Variants in SIGLEC12 observed in about 807,000 individuals in gnomAD.
The protein encoded by SIGLEC12 is sialic acid-binding Ig-like lectin 12.
A neutral mutation model predicts 54.1 loss-of-function variants in SIGLEC12; 43 were observed. The ratio of observed to expected loss-of-function variants is 0.80; its 90% CI spans 0.62 to 1.03. The LOEUF (loss-of-function observed/expected upper bound fraction) is 1.03. SIGLEC12 is among the 50% of genes least tolerant of loss of function. The probability of loss-of-function intolerance (pLI) is 0.00; values close to 1 mark genes in which losing one functional copy is unlikely to be tolerated. For missense variants in SIGLEC12, 802 were observed against 735.2 expected, an observed-to-expected ratio of 1.09 and a Z score of -1.05; for synonymous variants, 357 against 307.6, an observed-to-expected ratio of 1.16 and a Z score of -1.68.
rs774306964 is a variant in SIGLEC12, at chr19:51,491,789, T to A, written c.1640A>T (p.His547Leu). The A allele has an allele frequency of 6.3e-7, 1 of 1,597,276 alleles. No individual in the cohort carries two copies. The highest frequency in any genetic ancestry group is 8.5e-7 in the Non-Finnish European group (1 of 1,172,074). Residue 547 changes from histidine to leucine, a missense_variant, in exon 8 of 8, where the codon CAC (histidine) becomes CTC (leucine). His to Leu is a moderately conservative substitution (Grantham distance 99, BLOSUM62 -3). Transcript: ENST00000291707. ...GGTGGCCAGGGCTGGCGGAGCATGGTGTGGGGGGCTGTCATCTGCCGGGGA... is the reference window on the plus strand; with the variant it reads ...GGTGGCCAGGGCTGGCGGAGCATGGAGTGGGGGGCTGTCATCTGCCGGGGA... ...IESPADDSPP[H>L]HAPPALATPS...
In SIGLEC12 at chr19:51,491,701, C is replaced by T; in HGVS notation, c.1728G>A (p.Gln576=). Residue 576 remains glutamine (Q), a synonymous_variant, in exon 8 of 8, where the codon CAG becomes CAA. Transcript: ENST00000291707. Reference sequence around the variant, plus strand: ...CGATGGCCTCCTGTTCCTGTGGGTACTGAGGCCTCGCTTTGTGGAAGCTGA... The same window carrying T: ...CGATGGCCTCCTGTTCCTGTGGGTATTGAGGCCTCGCTTTGTGGAAGCTGA... ...ASLSFHKARP[Q]YPQEQEAIGY... 1 of 1,613,928 alleles carries T rather than the reference C, an allele frequency of 6.2e-7. No individual in the cohort carries two copies. The highest frequency in any genetic ancestry group is 8.5e-7 in the Non-Finnish European group (1 of 1,179,980).
intron 4 of SIGLEC12, 95 bp downstream of exon 4, chr19:51,499,075 C>G (rs747725914): frequency 2.2e-6 from 3 of 1,386,900 alleles, no homozygotes. Flanking sequence ...CGGGGCTCAC[C>G]CACAAAAGGG....
intron 1 of SIGLEC12, among the ~76,000 whole-genome samples, chr19:51,501,011 G>A (rs1332271534): frequency 1.3e-5 from 2 of 152,102 alleles, no homozygotes; most frequent in South Asian, 4.1e-4. Flanking sequence ...GCTAAACCCC[G>A]GCCATGCCTA....
intron 4 of SIGLEC12, among the ~76,000 whole-genome samples, chr19:51,498,633 C>T (rs970749911): frequency 1.3e-5 from 2 of 152,116 alleles, no homozygotes; most frequent in African/African-American, 2.4e-5. Flanking sequence ...TTAGAAGATG[C>T]CACAAAATCA....
intron 2 of SIGLEC12, 60 bp from the exon 3 acceptor site, chr19:51,499,776 G>A: frequency 6.3e-7 from 1 of 1,591,474 alleles, no homozygotes; most frequent in African/African-American, 1.3e-5. Context: ...GTGGTGCTGA[G>A]GAGGCTCAGG....
At position 51,497,968 on chromosome 19, in the gene SIGLEC12, C is replaced by G. The variant is rs377561374; in HGVS notation, c.1405+50G>C. 1.3e-4 allele frequency: 214 copies of G among 1,601,130 alleles called. No homozygotes were observed. In the African/African-American group the frequency reaches 2.6e-3, roughly 19 times the overall value. ...AAATTCCAGGTCTCCCAGCTGGACC[C>G]TGAGGGTGGGACATGTGTGTTCTCC... On this transcript the variant is annotated intron_variant, in intron 5 of 7. Coordinates refer to ENST00000291707, the MANE Select transcript of SIGLEC12 (RefSeq NM_053003.4).
chr19:51,501,410 G>C lies in SIGLEC12; in HGVS notation c.324C>G (p.Ile108Met). ...CTGCATCACTCTCTCTGGTGTCTCT[G>C]ATGCTCAGGGTACAATCCTTGTTCT... Reference protein sequence around the residue: ...DPQNKDCTLSIRDTRESDAGT... With the variant: ...DPQNKDCTLSMRDTRESDAGT... The change falls in exon 1 of 8, where the codon ATC becomes ATG. Residue 108 changes from isoleucine (I) to methionine (M), a missense_variant. By Grantham distance (10) the Ile-to-Met change is conservative. Coordinates refer to ENST00000291707, the MANE Select transcript of SIGLEC12 (RefSeq NM_053003.4). 6.2e-7 allele frequency: 1 copy of C among 1,614,200 alleles called. No individual in the cohort carries two copies.
chr19:51,494,239 A>G (rs1206930748), intron 7 of SIGLEC12, among the ~76,000 whole-genome samples: 1 of 152,188 alleles, frequency 6.6e-6, no homozygotes, highest in African/African-American at 2.4e-5. Context: ...TAATATCCAG[A>G]ATATATTAAA....
chr19:51,491,762 G>C lies in SIGLEC12; in HGVS notation c.1667C>G (p.Pro556Arg), dbSNP rs752035685. 3.1e-6 allele frequency: 5 copies of C among 1,611,710 alleles called. No individual in the cohort carries two copies. The East Asian group carries it at 6.7e-5, about 22-fold the overall frequency. The change falls in exon 8 of 8, where the codon CCC (proline) becomes CGC (arginine). Residue 556 changes from proline to arginine, a missense_variant. Physicochemically the swap from Pro to Arg is moderately radical, Grantham distance 103 (BLOSUM62 -2). Transcript: ENST00000291707. The stretch of plus-strand genomic sequence containing the variant: ...CTGGATCTCTCCTTCCTCTGGGGAG[G>C]GGGTGGCCAGGGCTGGCGGAGCATG... ...PHHAPPALAT[P>R]SPEEGEIQYA...
chr19:51,496,324 C>T (rs1019779254), intron 7 of SIGLEC12, among the ~76,000 whole-genome samples: 3 of 151,868 alleles, frequency 2.0e-5, no homozygotes, highest in South Asian at 2.1e-4. Context: ...CAAAATTAGC[C>T]GGGCATGGTG....
rs1990254601 is a variant in SIGLEC12, at chr19:51,496,908, G to A, written c.1571C>T (p.Ala524Val). Residue 524 changes from alanine to valine, a missense_variant, in exon 7 of 8, where the codon GCA becomes GTA. Physicochemically the swap from Ala to Val is moderately conservative, Grantham distance 64. Coordinates refer to ENST00000291707, the MANE Select transcript of SIGLEC12 (RefSeq NM_053003.4). ...VGVGDTGMED[A>V]NAVRGSASQG... ...AGAGGCTGAGCCCCTGACAGCGTTTGCGTCCTCCATGCCTGTATCCCCCAC... is the reference window on the plus strand; with the variant it reads ...AGAGGCTGAGCCCCTGACAGCGTTTACGTCCTCCATGCCTGTATCCCCCAC... 4 of 1,613,900 alleles carry A rather than the reference G, an allele frequency of 2.5e-6. No individual in the cohort carries two copies. Among genetic ancestry groups the A allele is most frequent in the African/African-American group, 1.3e-5 (1 of 74,928 alleles).
In SIGLEC12 at chr19:51,498,013, C is replaced by T. The variant is rs942853905; in HGVS notation, c.1405+5G>A. The T allele has an allele frequency of 6.2e-7, 1 of 1,614,144 alleles. No individual in the cohort carries two copies. Among genetic ancestry groups the T allele is most frequent in the Non-Finnish European group, 8.5e-7 (1 of 1,180,000 alleles). Reference sequence around the variant, plus strand: ...TTCTCCTCCTCCAGACCCTCCCCTACCCACCTGTGTACTCGTTTTGCAGGG... The same window carrying T: ...TTCTCCTCCTCCAGACCCTCCCCTATCCACCTGTGTACTCGTTTTGCAGGG... On this transcript the variant is annotated splice_donor_5th_base_variant and intron_variant, in intron 5 of 7. Coordinates refer to ENST00000291707, the MANE Select transcript of SIGLEC12 (RefSeq NM_053003.4).
Position 51,501,327 on chromosome 19 carries a change from T to G in SIGLEC12, c.407A>C (p.Gln136Pro). 1 of 1,614,212 alleles carries G rather than the reference T, an allele frequency of 6.2e-7. No homozygotes were observed. Among genetic ancestry groups the G allele is most frequent in the Non-Finnish European group, 8.5e-7 (1 of 1,180,024 alleles). ...GNMKWNYKYD[Q>P]LSVNVTASQD... ...CTTACCTGTCACATTCACAGAGAGC[T>G]GGTCATATTTATAATTCCATTTCAT... The change falls in exon 1 of 8, where the codon CAG becomes CCG. Residue 136 changes from glutamine (Q) to proline (P), a missense_variant. Coordinates refer to ENST00000291707, the MANE Select transcript of SIGLEC12 (RefSeq NM_053003.4).
chr19:51,497,590 A>T (rs1990276782), intron 5 of SIGLEC12, 145 bp from the exon 6 acceptor site: 1 of 587,566 alleles, frequency 1.7e-6, no homozygotes, highest in Non-Finnish European at 3.0e-6. Context: ...ACTTCTCCTG[A>T]GGTCACTGAG....
At position 51,498,148 on chromosome 19, in the gene SIGLEC12, G is replaced by A. The variant is rs541405345; in HGVS notation, c.1275C>T (p.Ser425=). ...WGSLTLSPSQ[S]SNLGVLELPR... ...GCAGCTCCAGCACCCCAAGGTTCGA[G>A]GACTGTGAGGGGCTCAGGGTCAGGC... The change falls in exon 5 of 8, where the codon TCC becomes TCT. Residue 425 remains serine, a synonymous_variant. Transcript: ENST00000291707. The A allele has an allele frequency of 8.1e-6, 13 of 1,614,228 alleles. No individual in the cohort carries two copies. In the East Asian group the frequency reaches 2.7e-4, roughly 33 times the overall value.
intron 5 of SIGLEC12, 37 bp downstream of exon 5, chr19:51,497,981 A>C: frequency 1.2e-6 from 2 of 1,610,154 alleles, no homozygotes; most frequent in Non-Finnish European, 1.7e-6. Flanking sequence ...AGGGTGGGAC[A>C]TGTGTGTTCT....
At chr19:51,499,757 G>A (rs1290756254) in intron 2 of SIGLEC12, 41 bp from the exon 3 acceptor site, 1 of 1,606,222 alleles carries the variant, frequency 6.2e-7, no homozygotes, top group South Asian at 1.1e-5. Context: ...GGGTGTTGGG[G>A]TCTGAAGTGT....
chr19:51,497,976 G>A, intron 5 of SIGLEC12, 42 bp downstream of exon 5: 4 of 1,606,672 alleles, frequency 2.5e-6, no homozygotes, highest in Non-Finnish European at 3.4e-6. Context: ...CCCTGAGGGT[G>A]GGACATGTGT....
In SIGLEC12 at chr19:51,499,650, GT is replaced by G; in HGVS notation, c.874del (p.Thr292ProfsTer53). On this transcript the variant is annotated frameshift_variant, in exon 3 of 8. Transcript: ENST00000291707. LOFTEE classifies it high-confidence loss of function. ...TLESGHPRNL[T>X]CSVPWACEQG... is the part of the protein sequence containing the mutation. ...TTCACAGGCCCAGGGCACAGAGCAGGTCAGGTTCCTGGGGTGGCCAGACTCC... is the reference window on the plus strand; with the variant it reads ...TTCACAGGCCCAGGGCACAGAGCAGGCAGGTTCCTGGGGTGGCCAGACTCC... 1.9e-6 allele frequency: 3 copies of G among 1,614,124 alleles called. No individual in the cohort carries two copies. The highest frequency in any genetic ancestry group is 2.5e-6 in the Non-Finnish European group (3 of 1,180,010).
Sources: allele counts gnomAD v4.1 joint callset (sites outside exome capture counted in the v4.1 genomes callset), GRCh38; gene constraint gnomAD v4.1.1; transcripts MANE v1.5; gene names NCBI Gene and HGNC (gene_info 2026-07-23, HGNC 2026-07-21).